Variants in STK3 observed in about 807,000 individuals in gnomAD.
The protein encoded by STK3 is serine/threonine kinase 3.
A neutral mutation model predicts 58.0 loss-of-function variants in STK3; 41 were observed. The ratio of observed to expected loss-of-function variants is 0.71; its 90% CI spans 0.55 to 0.92. The LOEUF (loss-of-function observed/expected upper bound fraction) is 0.92. Among genes scored for constraint, STK3 ranks in the 40% least tolerant of loss-of-function variants. The pLI is 0.00. For synonymous variants in STK3, 170 were observed against 191.0 expected, an observed-to-expected ratio of 0.89 and a Z score of 0.91; for missense variants, 479 against 602.7, an observed-to-expected ratio of 0.79 and a Z score of 2.15.
At chr8:98,662,681 T>C (rs978972513) in intron 6 of STK3, among the ~76,000 whole-genome samples, 15 of 152,162 alleles carry the variant, frequency 9.9e-5, no homozygotes, top group Non-Finnish European at 2.2e-4. Flanking sequence ...GTATTTCTTT[T>C]TTTTTTTTTA....
At chr8:98,658,907 A>G (rs947167519) in intron 6 of STK3, among the ~76,000 whole-genome samples, 1 of 152,106 alleles carries the variant, frequency 6.6e-6, no homozygotes, top group Non-Finnish European at 1.5e-5. Context: ...GAAAAAAATT[A>G]TGCCCTAAAT....
chr8:98,926,256 A>G (rs1156680415), intron 1 of STK3, among the ~76,000 whole-genome samples: 1 of 152,108 alleles, frequency 6.6e-6, no homozygotes, highest in East Asian at 1.9e-4. Flanking sequence ...CGTGATATTT[A>G]TTCCTAGATC....
downstream of STK3, among the ~76,000 whole-genome samples, chr8:98,397,175 C>A (rs117366758): frequency 6.6e-6 from 1 of 152,156 alleles, no homozygotes; most frequent in African/African-American, 2.4e-5. Context: ...CACACACAGT[C>A]CCCCATCCCT....
At chr8:98,759,910 T>G (rs1830514524) in intron 3 of STK3, among the ~76,000 whole-genome samples, 1 of 152,206 alleles carries the variant, frequency 6.6e-6, no homozygotes, top group African/African-American at 2.4e-5. Flanking sequence ...GGCACAGTAT[T>G]TGCATATAAC....
chr8:98,635,533 T>C (rs978186666), intron 6 of STK3, among the ~76,000 whole-genome samples: 1 of 152,182 alleles, frequency 6.6e-6, no homozygotes, highest in Admixed American at 6.5e-5. Context: ...CATCAAGTTA[T>C]ACTACCTCTT....
chr8:98,745,535 C>T (rs911871764), intron 4 of STK3, among the ~76,000 whole-genome samples: 7 of 151,768 alleles, frequency 4.6e-5, no homozygotes, highest in South Asian at 2.1e-4. Flanking sequence ...TGAAGACACA[C>T]GAGCAGTGTA....
chr8:98,417,512 T>G (rs1818128568), intron 3 of STK3, among the ~76,000 whole-genome samples: 1 of 92,006 alleles, frequency 1.1e-5, no homozygotes, highest in African/African-American at 3.9e-5. Flanking sequence ...AGACTCTGTC[T>G]CAAAAAATAA....
chr8:98,880,523 T>G (rs149972592), downstream of STK3: 23 of 152,304 alleles, frequency 1.5e-4, no homozygotes, highest in African/African-American at 5.5e-4. Flanking sequence ...TCTGAAAAAT[T>G]TAGTTTGATC....
chr8:98,504,487 A>C (rs370384413), intron 10 of STK3, among the ~76,000 whole-genome samples: 3 of 152,168 alleles, frequency 2.0e-5, no homozygotes, highest in East Asian at 3.9e-4. Flanking sequence ...CCTAGCATTG[A>C]CAGTCTTTAC....
chr8:98,758,179 C>T (rs892954725), intron 3 of STK3, among the ~76,000 whole-genome samples: 4 of 152,156 alleles, frequency 2.6e-5, no homozygotes, highest in Admixed American at 2.0e-4. Context: ...CAGAAAGAAA[C>T]CTTGGATCAG....
At chr8:98,690,461 A>C (rs1165679125) in intron 6 of STK3, among the ~76,000 whole-genome samples, 1 of 151,772 alleles carries the variant, frequency 6.6e-6, no homozygotes, top group Non-Finnish European at 1.5e-5. Flanking sequence ...AAAAAAAAAA[A>C]AAAACAACCT....
chr8:98,464,694 T>G (rs1820330510), intron 10 of STK3, among the ~76,000 whole-genome samples: 1 of 151,962 alleles, frequency 6.6e-6, no homozygotes, highest in South Asian at 2.1e-4. Context: ...ATGAAGCCTG[T>G]TTAAAGAAAA....
intron 6 of STK3, among the ~76,000 whole-genome samples, chr8:98,612,634 C>T (rs1410258496): frequency 6.6e-6 from 1 of 151,906 alleles, no homozygotes; most frequent in Non-Finnish European, 1.5e-5. Flanking sequence ...AAAAAGCTAA[C>T]AGGTACAAAC....
intron 1 of STK3, among the ~76,000 whole-genome samples, chr8:98,913,851 C>G (rs1301201115): frequency 1.3e-5 from 2 of 152,226 alleles, no homozygotes; most frequent in East Asian, 3.8e-4. Context: ...TGGGGTCTGT[C>G]TTTACTGAGA....
intron 2 of STK3, among the ~76,000 whole-genome samples, chr8:98,435,369 G>T (rs1045971624): frequency 6.6e-6 from 1 of 152,236 alleles, no homozygotes; most frequent in Non-Finnish European, 1.5e-5. Flanking sequence ...TAAGTCTAGA[G>T]AAAAGCAAGG....
intron 6 of STK3, among the ~76,000 whole-genome samples, chr8:98,620,514 C>CAA (rs1181787226): frequency 3.8e-5 from 5 of 132,720 alleles, no homozygotes; most frequent in Admixed American, 1.5e-4. Flanking sequence ...AGGTCAACAT[C>CAA]AAAAAAAAAA....
intron 10 of STK3, among the ~76,000 whole-genome samples, chr8:98,468,604 G>A (rs1417210102): frequency 2.0e-5 from 3 of 152,160 alleles, no homozygotes; most frequent in Non-Finnish European, 4.4e-5. Flanking sequence ...GCTCACAAAT[G>A]CTATGAATTT....
downstream of STK3, chr8:98,879,655 T>C (rs962172742): frequency 3.9e-5 from 6 of 152,232 alleles, no homozygotes; most frequent in African/African-American, 1.2e-4. Flanking sequence ...ATATAAAGCC[T>C]GACTTTTTCT....
chr8:98,373,079 G>A (rs989783823), intron 2 of STK3, among the ~76,000 whole-genome samples: 6 of 152,176 alleles, frequency 3.9e-5, no homozygotes, highest in Non-Finnish European at 8.8e-5. Context: ...TCAGATGAGG[G>A]GAAGGAAATT....
Sources: gnomAD v4.1 joint callset for allele counts (sites outside exome capture counted in the v4.1 genomes callset) on GRCh38, gnomAD v4.1.1 for gene constraint, MANE v1.5 for transcripts, NCBI Gene and HGNC (gene_info 2026-07-23, HGNC 2026-07-21) for gene names.